Variants in C8orf34 observed in about 807,000 individuals in gnomAD.
The protein encoded by C8orf34 is uncharacterized protein C8orf34.
A neutral mutation model predicts 68.3 loss-of-function variants in C8orf34; 65 were observed. The observed-to-expected ratio is 0.95, with a 90% CI of 0.78 to 1.17. The LOEUF is 1.17. Ranked by LOEUF, C8orf34 falls within the 50% of genes most tolerant of loss-of-function variation. The pLI is 0.00. For missense variants in C8orf34, 664 were observed against 655.4 expected (o/e 1.01, Z -0.14); for synonymous variants, 244 against 241.2 (o/e 1.01, Z -0.11).
intron 10 of C8orf34, among the ~76,000 whole-genome samples, chr8:68,745,512 T>A (rs1822459551): frequency 6.6e-6 from 1 of 151,942 alleles, no homozygotes; most frequent in Admixed American, 6.6e-5. Flanking sequence ...GAGACACACA[T>A]AGGCTCAAAA....
chr8:68,359,543 G>A (rs1053541240), intron 1 of C8orf34, among the ~76,000 whole-genome samples: 15 of 152,192 alleles, frequency 9.9e-5, no homozygotes, highest in African/African-American at 3.1e-4. Context: ...GTAGTATGTA[G>A]AATAGAAATG....
chr8:68,544,106 G>T (rs934675143), intron 7 of C8orf34, among the ~76,000 whole-genome samples: 2 of 152,136 alleles, frequency 1.3e-5, no homozygotes, highest in Non-Finnish European at 2.9e-5. Context: ...AACACCAAAA[G>T]AAGAAAGCTG....
chr8:68,440,094 A>G (rs1810837296), intron 2 of C8orf34, among the ~76,000 whole-genome samples: 1 of 152,200 alleles, frequency 6.6e-6, no homozygotes, highest in Admixed American at 6.5e-5. Context: ...AGTAAACCTT[A>G]GGAAGATTCA....
intron 11 of C8orf34, among the ~76,000 whole-genome samples, chr8:68,776,823 G>A (rs1236839248): frequency 6.6e-6 from 1 of 152,174 alleles, no homozygotes; most frequent in African/African-American, 2.4e-5. Context: ...TCTATACTAG[G>A]TCTGGATTCA....
chr8:68,736,517 T>G (rs1822126635), intron 10 of C8orf34, among the ~76,000 whole-genome samples: 6 of 152,120 alleles, frequency 3.9e-5, no homozygotes, highest in Admixed American at 3.9e-4. Flanking sequence ...CCTTGTTTGA[T>G]ATGAGTTCAG....
intron 9 of C8orf34, among the ~76,000 whole-genome samples, chr8:68,719,823 T>C (rs1202339573): frequency 1.3e-5 from 2 of 151,946 alleles, no homozygotes; most frequent in South Asian, 2.1e-4. Context: ...TATTTATTTA[T>C]TAAGTCAATA....
chr8:68,515,593 C>T (rs951125692), intron 5 of C8orf34, among the ~76,000 whole-genome samples: 3 of 152,128 alleles, frequency 2.0e-5, no homozygotes, highest in African/African-American at 7.2e-5. Context: ...TAACAAAACT[C>T]GAGAGCCACA....
At chr8:68,761,158 G>T (rs914897853) in intron 10 of C8orf34, among the ~76,000 whole-genome samples, 7 of 152,252 alleles carry the variant, frequency 4.6e-5, no homozygotes, top group Admixed American at 2.0e-4. Context: ...ATGCAACAAG[G>T]TTATAATTAT....
At chr8:68,575,967 T>G (rs1170247947) in intron 7 of C8orf34, among the ~76,000 whole-genome samples, 41 of 150,860 alleles carry the variant, frequency 2.7e-4, no homozygotes, top group Non-Finnish European at 4.9e-4. Flanking sequence ...TTTTTTTTTT[T>G]TTTTTTTTTT....
rs116814241 is a variant in C8orf34 at position 68,596,175 on chromosome 8, G to T, written c.1106-44201G>T. ...TGAGTTTGACTGATCCCTGGGCAAAGGGAAAAGGCTAGTTCTCATCTCCAG... is the reference window on the plus strand; with the variant it reads ...TGAGTTTGACTGATCCCTGGGCAAATGGAAAAGGCTAGTTCTCATCTCCAG... On this transcript the variant is annotated intron_variant, in intron 7 of 13. Transcript: ENST00000518698. 3.6e-3 allele frequency among the ~76,000 whole-genome samples: 555 copies of T among 152,148 alleles called. 7 individuals are homozygous for T. Among genetic ancestry groups the T allele is most frequent in the African/African-American group, 0.013 (532 of 41,540 alleles).
intron 8 of C8orf34, among the ~76,000 whole-genome samples, chr8:68,693,237 T>C (rs1397659161): frequency 6.6e-6 from 1 of 152,056 alleles, no homozygotes; most frequent in East Asian, 1.9e-4. Context: ...TTAAAAGTAC[T>C]GTTGGTAATG....
intron 8 of C8orf34, among the ~76,000 whole-genome samples, chr8:68,699,023 C>T (rs1820914142): frequency 6.6e-6 from 1 of 151,814 alleles, no homozygotes; most frequent in South Asian, 2.1e-4. Flanking sequence ...GGCAATATAC[C>T]CTGTCGGCAA....
chr8:68,808,554 A>AAT lies in C8orf34; in HGVS notation c.1550-7318_1550-7317dup, dbSNP rs371155202. 6.9e-3 allele frequency among the ~76,000 whole-genome samples: 1,037 copies of AAT among 150,222 alleles called. 6 individuals are homozygous for AAT. The highest frequency in any genetic ancestry group is 0.022 in the African/African-American group (892 of 41,172). On this transcript the variant is annotated intron_variant, in intron 12 of 13. Transcript: ENST00000518698. ...TTCAACCAACCGTAGATCAAAAAAT[A>AAT]ATATATATATATATAAAGAAATAAA...
At chr8:68,376,924 A>G (rs1807826764) in intron 1 of C8orf34, among the ~76,000 whole-genome samples, 1 of 152,220 alleles carries the variant, frequency 6.6e-6, no homozygotes, top group Admixed American at 6.5e-5. Context: ...GGCCTAGTGG[A>G]AAAGTTGTCT....
intron 3 of C8orf34, among the ~76,000 whole-genome samples, chr8:68,462,246 C>T (rs927423037): frequency 8.7e-4 from 133 of 152,176 alleles, no homozygotes; most frequent in African/African-American, 2.9e-3. Context: ...GCTAACTATC[C>T]TAAATATATA....
chr8:68,367,935 A>AAAAAAAAAAAAAAAAAAAT (rs1807379171), intron 1 of C8orf34, among the ~76,000 whole-genome samples: 1 of 134,030 alleles, frequency 7.5e-6, no homozygotes, highest in Non-Finnish European at 1.7e-5. Flanking sequence ...AAAAAAAAAA[A>AAAAAAAAAAAAAAAAAAAT]AAGAAAAAAG....
intron 7 of C8orf34, among the ~76,000 whole-genome samples, chr8:68,618,991 A>T (rs1404640561): frequency 6.6e-6 from 1 of 152,126 alleles, no homozygotes; most frequent in African/African-American, 2.4e-5. Context: ...AGCTAGGGGG[A>T]TGGAAAAGTC....
At chr8:68,345,670 A>G (rs1033559411) in intron 1 of C8orf34, among the ~76,000 whole-genome samples, 7 of 152,000 alleles carry the variant, frequency 4.6e-5, no homozygotes, top group African/African-American at 1.7e-4. Context: ...CCAATTTAGA[A>G]GCTTGATTAT....
intron 12 of C8orf34, among the ~76,000 whole-genome samples, chr8:68,789,635 T>C (rs770157388): frequency 1.1e-4 from 16 of 152,150 alleles, no homozygotes; most frequent in Non-Finnish European, 1.9e-4. Context: ...AGGGAAAGGG[T>C]CCATTCCCTT....
Sources: gnomAD v4.1 joint callset for allele counts (sites outside exome capture counted in the v4.1 genomes callset) on GRCh38, gnomAD v4.1.1 for gene constraint, MANE v1.5 for transcripts, NCBI Gene and HGNC (gene_info 2026-07-23, HGNC 2026-07-21) for gene names.